The following SHOC1 variants were observed in gnomAD, a reference collection of about 807,000 sequenced individuals.
SHOC1 encodes protein shortage in chiasmata 1 ortholog.
A neutral mutation model predicts 179.2 loss-of-function variants in SHOC1; 136 were observed. The ratio of observed to expected loss-of-function variants is 0.76; its 90% CI spans 0.66 to 0.87. The LOEUF is 0.87. Ranked by LOEUF, SHOC1 falls within the 40% of genes least tolerant of loss-of-function variation. The probability of loss-of-function intolerance (pLI) is 0.00; values close to 1 mark genes in which losing one functional copy is unlikely to be tolerated. For missense variants in SHOC1, 1,538 were observed against 1,700.8 expected, an observed-to-expected ratio of 0.90 and a Z score of 1.68; for synonymous variants, 489 against 586.6, an observed-to-expected ratio of 0.83 and a Z score of 2.41.
intron 22 of SHOC1, among the ~76,000 whole-genome samples, chr9:111,703,271 T>G (rs1041722821): frequency 1.3e-5 from 2 of 152,146 alleles, no homozygotes; most frequent in African/African-American, 4.8e-5. Context: ...ATATTGGCCA[T>G]TAATATATAG....
chr9:111,718,106 TC>T, intron 16 of SHOC1, 77 bp downstream of exon 16: 1 of 992,580 alleles, frequency 1.0e-6, no homozygotes, highest in Non-Finnish European at 1.5e-6. Context: ...ATAAGGTGTA[TC>T]TTTTTCAGAA....
intron 5 of SHOC1, among the ~76,000 whole-genome samples, chr9:111,765,956 C>T (rs1168224493): frequency 1.3e-5 from 2 of 152,148 alleles, no homozygotes; most frequent in Non-Finnish European, 2.9e-5. Flanking sequence ...GCTGGCATTA[C>T]AGGCATGAGC....
rs1253938525 is a variant in SHOC1, at chr9:111,746,279, A to G, written c.1034T>C (p.Leu345Ser). Residue 345 changes from leucine (L) to serine (S), a missense_variant, in exon 10 of 28, where the codon TTA becomes TCA. Coordinates refer to ENST00000682961, the MANE Select transcript of SHOC1 (RefSeq NM_001378211.1). Reference protein sequence around the residue: ...LTCQHSSVNSLRTELQTFPLS... With the variant: ...LTCQHSSVNSSRTELQTFPLS... ...TGGAAATGTCTGAAGTTCTGTACGT[A>G]ATGAATTCACTGAAGAATGTTGGCA... is the stretch of plus-strand genomic sequence containing the variant. 1.2e-6 allele frequency: 2 copies of G among 1,612,142 alleles called. No homozygotes were observed. The highest frequency in any genetic ancestry group is 3.3e-5 in the Admixed American group (2 of 59,974).
intron 23 of SHOC1, among the ~76,000 whole-genome samples, chr9:111,700,325 AG>A (rs1831910641): frequency 7.0e-6 from 1 of 143,696 alleles, no homozygotes; most frequent in African/African-American, 2.4e-5. Flanking sequence ...TCCTGACTCC[AG>A]GGATGGCTTT....
At chr9:111,787,878 A>T (rs1366924092) in intron 2 of SHOC1, among the ~76,000 whole-genome samples, 1 of 152,206 alleles carries the variant, frequency 6.6e-6, no homozygotes, top group Non-Finnish European at 1.5e-5. Flanking sequence ...CACTCTGATC[A>T]GTCAGCAGCC....
chr9:111,721,692 T>A (rs2131410630), intron 15 of SHOC1, among the ~76,000 whole-genome samples: 1 of 152,322 alleles, frequency 6.6e-6, no homozygotes, highest in South Asian at 2.1e-4. Flanking sequence ...AGGGAGAGGC[T>A]CTGCACAATT....
At chr9:111,759,408 G>T in intron 5 of SHOC1, 1 of 1,453,298 alleles carries the variant, frequency 6.9e-7, no homozygotes, top group Non-Finnish European at 9.1e-7. Context: ...GAATCTACTT[G>T]AGGAGTATGA....
intron 12 of SHOC1, among the ~76,000 whole-genome samples, chr9:111,731,757 T>C (rs1833579491): frequency 6.6e-6 from 1 of 152,128 alleles, no homozygotes. Flanking sequence ...ATCTATAAAA[T>C]TATGTAAAGT....
At chr9:111,763,713 A>G (rs1410897470) in intron 5 of SHOC1, among the ~76,000 whole-genome samples, 2 of 152,182 alleles carry the variant, frequency 1.3e-5, no homozygotes, top group African/African-American at 2.4e-5. Context: ...ACTGGCAGCT[A>G]CAAGGTTGAA....
Position 111,702,257 on chromosome 9 carries a change from C to A in SHOC1, c.2968-31G>T. 3.1e-6 allele frequency: 4 copies of A among 1,278,830 alleles called. No homozygotes were observed. In the South Asian group the frequency reaches 5.1e-5, roughly 16 times the overall value. The allele number at this position is 1,278,830 out of a possible 1,614,324, so 79.2% of individuals were successfully genotyped here. ...AGAAAATAAAGAAAATGTAAAAATT[C>A]ATTAGGTTGAACAGTTATTATGAAA... On this transcript the variant is annotated intron_variant, in intron 22 of 27. Transcript: ENST00000682961.
At chr9:111,760,299 G>A (rs1164459395) in intron 5 of SHOC1, among the ~76,000 whole-genome samples, 14 of 152,152 alleles carry the variant, frequency 9.2e-5, no homozygotes, top group Admixed American at 9.2e-4. Flanking sequence ...TACCAAGGTT[G>A]TTTATAGCAA....
intron 4 of SHOC1, among the ~76,000 whole-genome samples, chr9:111,777,474 C>G (rs1835880047): frequency 6.6e-6 from 1 of 152,208 alleles, no homozygotes; most frequent in African/African-American, 2.4e-5. Context: ...AGGTTCGAGG[C>G]AGGATGGAAT....
At chr9:111,729,210 G>A (rs914248183) in intron 12 of SHOC1, among the ~76,000 whole-genome samples, 5 of 152,004 alleles carry the variant, frequency 3.3e-5, no homozygotes, top group African/African-American at 1.2e-4. Context: ...CCAACTCCTG[G>A]GCCCAAGCAG....
At chr9:111,727,517 C>CA (rs1833350251) in intron 13 of SHOC1, 116 bp downstream of exon 13, 2 of 947,630 alleles carry the variant, frequency 2.1e-6, no homozygotes, top group Non-Finnish European at 2.9e-6. Flanking sequence ...TCCTTGACTA[C>CA]AAAAAATAAC....
chr9:111,745,202 T>C (rs1295414678), intron 10 of SHOC1, among the ~76,000 whole-genome samples: 1 of 152,232 alleles, frequency 6.6e-6, no homozygotes, highest in Non-Finnish European at 1.5e-5. Context: ...GATCAACGAT[T>C]GTCCACACTG....
At chr9:111,790,606 G>A (rs762279577) in intron 2 of SHOC1, among the ~76,000 whole-genome samples, 45 of 148,324 alleles carry the variant, frequency 3.0e-4, no homozygotes, top group Non-Finnish European at 4.9e-4. Flanking sequence ...GGGCAGTGGC[G>A]CAGTCTCGGC....
chr9:111,690,886 C>T (rs979520915), intron 27 of SHOC1, among the ~76,000 whole-genome samples: 1 of 152,114 alleles, frequency 6.6e-6, no homozygotes, highest in Non-Finnish European at 1.5e-5. Flanking sequence ...CTTAAGCTTC[C>T]CCCCGCCCTC....
chr9:111,712,069 A>C (rs1589393554), intron 18 of SHOC1, among the ~76,000 whole-genome samples: 1 of 152,240 alleles, frequency 6.6e-6, no homozygotes, highest in South Asian at 2.1e-4. Context: ...CTATAGGTAT[A>C]GACAAAGAGC....
At chr9:111,714,069 C>A (rs1416322654) in intron 17 of SHOC1, among the ~76,000 whole-genome samples, 1 of 152,084 alleles carries the variant, frequency 6.6e-6, no homozygotes, top group East Asian at 1.9e-4. Flanking sequence ...GGCTGGAGTG[C>A]AGTGGAACAA....
Sources: allele counts gnomAD v4.1 joint callset (sites outside exome capture counted in the v4.1 genomes callset), GRCh38; gene constraint gnomAD v4.1.1; transcripts MANE v1.5; gene names NCBI Gene and HGNC (gene_info 2026-07-23, HGNC 2026-07-21).